The following PRDM7 variants were observed in gnomAD, a reference collection of about 807,000 sequenced individuals.
PRDM7 encodes the protein PR/SET domain 7, also known as histone-lysine N-methyltransferase PRDM7.
PRDM7 carries 52 observed loss-of-function variants against 64.3 expected under a neutral mutation model. The observed-to-expected ratio is 0.81, with a 90% confidence interval of 0.65 to 1.02. The LOEUF is 1.02. Among genes scored for constraint, PRDM7 ranks in the 50% least tolerant of loss-of-function variants. The pLI is 0.00. For synonymous variants in PRDM7, 192 were observed against 210.1 expected, an observed-to-expected ratio of 0.91 and a Z score of 0.74; for missense variants, 574 against 597.1, an observed-to-expected ratio of 0.96 and a Z score of 0.40.
At chr16:90,058,756 G>A (rs754188299) in intron 10 of PRDM7, among the ~76,000 whole-genome samples, 11 of 151,884 alleles carry the variant, frequency 7.2e-5, no homozygotes, top group African/African-American at 1.7e-4. Flanking sequence ...CCTTTTCTAC[G>A]TATCAGCCAG....
In PRDM7 at chr16:90,063,627, AGTGCT is replaced by A. The variant is rs2037820240; in HGVS notation, c.488_492del (p.Gln163LeufsTer2). On this transcript the variant is annotated frameshift_variant, in exon 6 of 11. Coordinates refer to ENST00000449207, the MANE Select transcript of PRDM7 (RefSeq NM_001098173.2). LOFTEE classifies it high-confidence loss of function. ...TTTTTCTTACCCAGTTTTAGTCTAGAGTGCTGTCCAGAGGTACTTGCTTCTCCAGG... is the reference window on the plus strand; with the variant it reads ...TTTTTCTTACCCAGTTTTAGTCTAGAGTCCAGAGGTACTTGCTTCTCCAGG... 2.5e-6 allele frequency: 4 copies of A among 1,613,532 alleles called. No individual in the cohort carries two copies. The East Asian group carries it at 8.9e-5, about 36-fold the overall frequency.
Position 90,057,830 on chromosome 16 carries a change from C to T in PRDM7, c.*459G>A. 2 of 1,466,160 alleles carry T rather than the reference C, an allele frequency of 1.4e-6. No homozygotes were observed. The highest frequency in any genetic ancestry group is 1.8e-6 in the Non-Finnish European group (2 of 1,086,856). 90.8% of individuals were successfully genotyped at this position (1,466,160 alleles called of 1,614,324 possible). On this transcript the variant is annotated 3_prime_UTR_variant, in exon 11 of 11. Coordinates refer to ENST00000449207, the MANE Select transcript of PRDM7 (RefSeq NM_001098173.2). ...TGGCTATTGAGATAAGGTTTTATTA[C>T]TAATGACTTACTCATCCTTCCTGCA... is the stretch of plus-strand genomic sequence containing the variant.
At position 90,057,766 on chromosome 16, in the gene PRDM7, G is replaced by A; in HGVS notation, c.*523C>T. The A allele has an allele frequency of 7.6e-7, 1 of 1,316,358 alleles. No individual in the cohort carries two copies. The highest frequency in any genetic ancestry group is 2.4e-5 in the Admixed American group (1 of 42,448). 81.5% of individuals were successfully genotyped at this position (1,316,358 alleles called of 1,614,324 possible). A position where few individuals can be genotyped will look rare whatever the true frequency, so the allele number is the denominator to read the frequency against. On this transcript the variant is annotated 3_prime_UTR_variant, in exon 11 of 11. Coordinates refer to ENST00000449207, the MANE Select transcript of PRDM7 (RefSeq NM_001098173.2). ...CTTTCGCTGAAGCCACCTCAGAGCT[G>A]GGGTGTGCAAGTGTGTGGTGATCAC...
intron 4 of PRDM7, among the ~76,000 whole-genome samples, chr16:90,068,515 G>A (rs564760364): frequency 1.1e-4 from 17 of 149,836 alleles, no homozygotes; most frequent in Non-Finnish European, 2.5e-4. Context: ...GGCGCCTGTA[G>A]TCCCAGCTAC....
intron 9 of PRDM7, 54 bp downstream of exon 9, chr16:90,061,398 G>C: frequency 6.6e-7 from 1 of 1,517,482 alleles, no homozygotes; most frequent in Non-Finnish European, 9.1e-7. Context: ...AAGGAAGTCC[G>C]GGTTTGTGAG....
chr16:90,067,003 C>T (rs1477348043), intron 4 of PRDM7, 93 bp from the exon 5 acceptor site: 8 of 1,119,234 alleles, frequency 7.1e-6, no homozygotes, highest in South Asian at 3.7e-5. Flanking sequence ...CTCCCTCTGT[C>T]GCCCAGGCTG....
chr16:90,075,591 A>C lies in PRDM7; in HGVS notation c.70-117T>G. ...CCTCTGGGAGTCTCTGTGAAACATAAAGACCTTCCCTCCTTCTCCAGATTG... is the reference window on the plus strand; with the variant it reads ...CCTCTGGGAGTCTCTGTGAAACATACAGACCTTCCCTCCTTCTCCAGATTG... On this transcript the variant is annotated intron_variant, in intron 2 of 10. Coordinates refer to ENST00000449207, the MANE Select transcript of PRDM7 (RefSeq NM_001098173.2). This position sits in a 1 kb window ranked among gnomAD's most constrained non-coding sequence, Gnocchi z 4.3. The C allele has an allele frequency of 6.5e-7, 1 of 1,537,128 alleles. No homozygotes were observed. Among genetic ancestry groups the C allele is most frequent in the East Asian group, 2.3e-5 (1 of 44,378 alleles).
intron 5 of PRDM7, among the ~76,000 whole-genome samples, chr16:90,066,171 T>C (rs2037869635): frequency 1.3e-5 from 2 of 151,396 alleles, no homozygotes. Context: ...ATTTGTTGTT[T>C]CTCAATCTTC....
chr16:90,065,306 C>T (rs1320858841), intron 5 of PRDM7, among the ~76,000 whole-genome samples: 19 of 128,184 alleles, frequency 1.5e-4, no homozygotes, highest in African/African-American at 5.5e-4. Context: ...GGCAGGAGAA[C>T]AACTTGAACC....
At chr16:90,071,749 A>G (rs2037960010) in intron 4 of PRDM7, among the ~76,000 whole-genome samples, 1 of 152,212 alleles carries the variant, frequency 6.6e-6, no homozygotes, top group Non-Finnish European at 1.5e-5. Flanking sequence ...TAAGTTTCCA[A>G]TACATGAACT....
chr16:90,063,636 C>G lies in PRDM7; in HGVS notation c.484G>C (p.Gly162Arg). The G allele has an allele frequency of 6.2e-7, 1 of 1,613,714 alleles. No homozygotes were observed. Residue 162 changes from glycine (G) to arginine (R), a missense_variant, in exon 6 of 11, where the codon GGA (glycine) becomes CGA (arginine). Coordinates refer to ENST00000449207, the MANE Select transcript of PRDM7 (RefSeq NM_001098173.2). ...CCCAGTTTTAGTCTAGAGTGCTGTC[C>G]AGAGGTACTTGCTTCTCCAGGAGGG... ...VSPPGEASTS[G>R]QHSRLKLELR...
chr16:90,066,740 G>A (rs2037879701), intron 5 of PRDM7, 121 bp downstream of exon 5: 14 of 851,744 alleles, frequency 1.6e-5, no homozygotes, highest in South Asian at 1.5e-4. Context: ...CAGACACTGC[G>A]CTAAAGAGAT....
intron 4 of PRDM7, among the ~76,000 whole-genome samples, chr16:90,072,436 G>T (rs4785625): frequency 6.6e-6 from 1 of 151,968 alleles, no homozygotes; most frequent in Non-Finnish European, 1.5e-5. Flanking sequence ...CTGTGACATG[G>T]GTGAATCTTG....
intron 10 of PRDM7, among the ~76,000 whole-genome samples, chr16:90,059,928 GCA>G (rs1332648789): frequency 6.6e-6 from 1 of 152,158 alleles, no homozygotes; most frequent in Non-Finnish European, 1.5e-5. Context: ...ACATCGTCTG[GCA>G]CAGAGTAGGA....
At chr16:90,071,785 G>C (rs1404900225) in intron 4 of PRDM7, among the ~76,000 whole-genome samples, 1 of 152,120 alleles carries the variant, frequency 6.6e-6, no homozygotes, top group Admixed American at 6.5e-5. Context: ...CATAGTAGTG[G>C]GAATGTAAAA....
chr16:90,064,387 A>G (rs2037835536), intron 5 of PRDM7, among the ~76,000 whole-genome samples: 2 of 152,034 alleles, frequency 1.3e-5, no homozygotes, highest in Admixed American at 6.6e-5. Context: ...CCCGATCCAG[A>G]AGTTGGCATA....
In PRDM7 at chr16:90,074,972, T is replaced by G. The variant is rs554919658; in HGVS notation, c.245A>C (p.Lys82Thr). Reference protein sequence around the residue: ...AFMCHRRQAIKLQVDDTEDSD... With the variant: ...AFMCHRRQAITLQVDDTEDSD... Reference sequence around the variant, plus strand: ...ATCTTCTGTGTCATCCACCTGGAGTTTGATGGCCTGCCTTCGGTGACACAT... The same window carrying G: ...ATCTTCTGTGTCATCCACCTGGAGTGTGATGGCCTGCCTTCGGTGACACAT... The change falls in exon 4 of 11, where the codon AAA (lysine) becomes ACA (threonine). Residue 82 changes from lysine to threonine, a missense_variant. Transcript: ENST00000449207. 15 of 1,614,160 alleles carry G rather than the reference T, an allele frequency of 9.3e-6. No homozygotes were observed. In the South Asian group the frequency reaches 1.6e-4, roughly 18 times the overall value.
chr16:90,061,825 C>G, intron 8 of PRDM7, 96 bp downstream of exon 8: 2 of 1,559,920 alleles, frequency 1.3e-6, no homozygotes, highest in Admixed American at 1.7e-5. Context: ...CCATGTTATC[C>G]CTACCTATAT....
At position 90,075,047 on chromosome 16, in the gene PRDM7, C is replaced by T. The variant is rs1293473934; in HGVS notation, c.194-24G>A. 1.2e-6 allele frequency: 2 copies of T among 1,613,680 alleles called. No individual in the cohort carries two copies. Among genetic ancestry groups the T allele is most frequent in the Non-Finnish European group, 1.7e-6 (2 of 1,179,700 alleles). ...ACCTGAAAAGAAGCAAAAAATTTTG[C>T]TCTGAAACGGAAGAGCTGGGATGAG... is the stretch of plus-strand genomic sequence containing the variant. On this transcript the variant is annotated intron_variant, in intron 3 of 10. Coordinates refer to ENST00000449207, the MANE Select transcript of PRDM7 (RefSeq NM_001098173.2). This position sits in a 1 kb window ranked among gnomAD's most constrained non-coding sequence, Gnocchi z 4.3.
Sources: gnomAD v4.1 joint callset for allele counts (sites outside exome capture counted in the v4.1 genomes callset) on GRCh38, gnomAD v4.1.1 for gene constraint, Gnocchi (gnomAD v3.1) non-coding constraint, MANE v1.5 for transcripts, NCBI Gene and HGNC (gene_info 2026-07-23, HGNC 2026-07-21) for gene names.